The following OPCML variants were observed in gnomAD, a reference collection of about 807,000 sequenced individuals.
OPCML encodes opioid-binding protein/cell adhesion molecule.
Under a neutral mutation model 37.8 loss-of-function variants are expected in OPCML, and 13 were observed. The observed-to-expected ratio is 0.34, with a 90% confidence interval of 0.22 to 0.55. OPCML has a LOEUF of 0.55. Among genes scored for constraint, OPCML ranks in the 20% least tolerant of loss-of-function variants. The pLI is 0.91. For missense variants in OPCML, 341 were observed against 435.6 expected, an observed-to-expected ratio of 0.78 and a Z score of 1.93; for synonymous variants, 176 against 168.8, an observed-to-expected ratio of 1.04 and a Z score of -0.33.
At chr11:133,473,144 AG>A in intron 1 of OPCML, among the ~76,000 whole-genome samples, 1 of 152,262 alleles carries the variant, frequency 6.6e-6, no homozygotes, top group African/African-American at 2.4e-5. Context: ...TTACTTACCT[AG>A]ACTACTTCTG....
At chr11:132,956,692 G>C (rs73026234) in intron 1 of OPCML, among the ~76,000 whole-genome samples, 1 of 151,900 alleles carries the variant, frequency 6.6e-6, no homozygotes, top group Admixed American at 6.6e-5. Flanking sequence ...GCCTCTTTTC[G>C]TCCACTAATG....
At position 132,415,281 on chromosome 11, in the gene OPCML, G is replaced by A. The variant is rs1314702771; in HGVS notation, c.*4912C>T. 1 of 152,514 alleles carries A rather than the reference G, an allele frequency of 6.6e-6. No individual in the cohort carries two copies. The highest frequency in any genetic ancestry group is 1.9e-4 in the East Asian group (1 of 5,182). 9.4% of individuals were successfully genotyped at this position (152,514 alleles called of 1,614,324 possible). The stretch of plus-strand genomic sequence containing the variant: ...TTTTGAAGGATAATTGTGAGAATGG[G>A]CACACCCATTGTCTGACACAGCTAT... On this transcript the variant is annotated 3_prime_UTR_variant, in exon 8 of 8. Transcript: ENST00000524381.
chr11:133,056,414 C>A (rs922242740), intron 1 of OPCML, among the ~76,000 whole-genome samples: 1 of 152,314 alleles, frequency 6.6e-6, no homozygotes, highest in South Asian at 2.1e-4. Context: ...CAGATCAATG[C>A]TAAATCTCTC....
chr11:132,479,357 G>A (rs888278088), intron 4 of OPCML, among the ~76,000 whole-genome samples: 6 of 152,292 alleles, frequency 3.9e-5, no homozygotes, highest in Admixed American at 1.3e-4. Context: ...TATCCCACAC[G>A]TGGCTCGGAG....
chr11:133,434,587 C>A (rs977988638), intron 1 of OPCML, among the ~76,000 whole-genome samples: 2 of 151,890 alleles, frequency 1.3e-5, no homozygotes, highest in Non-Finnish European at 2.9e-5. Flanking sequence ...GTGAGAGCAG[C>A]TGGGAAGGCC....
chr11:133,367,605 C>T (rs908232522), intron 1 of OPCML, among the ~76,000 whole-genome samples: 1 of 152,242 alleles, frequency 6.6e-6, no homozygotes, highest in African/African-American at 2.4e-5. Flanking sequence ...TAAAGCAGTG[C>T]TTTGGAGAAG....
intron 1 of OPCML, among the ~76,000 whole-genome samples, chr11:133,404,472 G>A (rs143097078): frequency 6.6e-5 from 10 of 152,180 alleles, no homozygotes; most frequent in African/African-American, 1.4e-4. Flanking sequence ...TGTGTTATCC[G>A]TCTAATCCTC....
At chr11:133,233,040 C>A (rs768381698) in intron 1 of OPCML, among the ~76,000 whole-genome samples, 4 of 152,152 alleles carry the variant, frequency 2.6e-5, no homozygotes, top group African/African-American at 9.7e-5. Context: ...GGGTCTTCCT[C>A]CAGCTTGGTT....
chr11:133,002,380 G>C (rs1325704166), intron 1 of OPCML, among the ~76,000 whole-genome samples: 1 of 152,184 alleles, frequency 6.6e-6, no homozygotes, highest in Non-Finnish European at 1.5e-5. Context: ...GATTAGACAG[G>C]TGAGAATGCC....
At chr11:132,870,425 C>T (rs542298655) in intron 2 of OPCML, among the ~76,000 whole-genome samples, 12 of 152,022 alleles carry the variant, frequency 7.9e-5, no homozygotes, top group Admixed American at 2.0e-4. Context: ...TCAATTAGTA[C>T]GGCCATTATG....
intron 2 of OPCML, among the ~76,000 whole-genome samples, chr11:132,905,972 G>A (rs1944227677): frequency 6.6e-6 from 1 of 152,174 alleles, no homozygotes; most frequent in African/African-American, 2.4e-5. Context: ...CTCCTCAAAT[G>A]CACAGATTTT....
intron 2 of OPCML, among the ~76,000 whole-genome samples, chr11:132,765,729 T>G (rs546602184): frequency 6.6e-6 from 1 of 152,250 alleles, no homozygotes; most frequent in South Asian, 2.1e-4. Flanking sequence ...AGAAATAGAT[T>G]TGGAAAAATA....
intron 1 of OPCML, among the ~76,000 whole-genome samples, chr11:133,224,129 C>T (rs1271734572): frequency 1.3e-5 from 2 of 152,180 alleles, no homozygotes; most frequent in African/African-American, 4.8e-5. Context: ...AATCCTCCAG[C>T]AGCTGCTCAT....
At chr11:133,368,063 G>A (rs1016338478) in intron 1 of OPCML, among the ~76,000 whole-genome samples, 3 of 152,204 alleles carry the variant, frequency 2.0e-5, no homozygotes, top group Admixed American at 6.5e-5. Flanking sequence ...GGAGGAATAT[G>A]CCCTGCCAGG....
chr11:132,949,964 G>A (rs1945823457), intron 1 of OPCML, among the ~76,000 whole-genome samples: 1 of 152,198 alleles, frequency 6.6e-6, no homozygotes, highest in South Asian at 2.1e-4. Flanking sequence ...TGAAGAGGGA[G>A]CATTTGACCT....
intron 2 of OPCML, among the ~76,000 whole-genome samples, chr11:132,814,802 A>T (rs1442774927): frequency 6.6e-5 from 10 of 152,094 alleles, no homozygotes; most frequent in Admixed American, 6.5e-4. Context: ...AGGATTTCAG[A>T]CTTCAGACTC....
Position 133,367,172 on chromosome 11 carries a change from T to A in OPCML, c.61+165092A>T, listed in dbSNP as rs886871740. On this transcript the variant is annotated intron_variant, in intron 1 of 7. Transcript: ENST00000524381. ...TTTTTTATTTCTAATACAGAGAGGG[T>A]TTCACCATGTTGGCTAGGATGGTCT... 3.3e-5 allele frequency among the ~76,000 whole-genome samples: 5 copies of A among 151,948 alleles called. No individual in the cohort carries two copies. The East Asian group carries it at 9.7e-4, about 29-fold the overall frequency.
intron 1 of OPCML, among the ~76,000 whole-genome samples, chr11:133,195,831 A>C (rs1357741665): frequency 6.6e-6 from 1 of 152,210 alleles, no homozygotes; most frequent in Non-Finnish European, 1.5e-5. Context: ...CACATAGTAT[A>C]TGCTCAATGA....
chr11:133,171,215 AC>A (rs1234175643), intron 1 of OPCML, among the ~76,000 whole-genome samples: 2 of 152,286 alleles, frequency 1.3e-5, no homozygotes, highest in Middle Eastern at 3.4e-3. Context: ...CTGCAAAAGC[AC>A]CTCAAGAAGG....
Sources: allele counts gnomAD v4.1 joint callset (sites outside exome capture counted in the v4.1 genomes callset), GRCh38; gene constraint gnomAD v4.1.1; transcripts MANE v1.5; gene names NCBI Gene and HGNC (gene_info 2026-07-23, HGNC 2026-07-21).